GOSR1: variants seen among roughly 807,000 people sequenced by gnomAD.
The protein encoded by GOSR1 is 28 kDa Golgi SNARE protein.
Under a neutral mutation model 35.5 loss-of-function variants are expected in GOSR1, and 21 were observed. The observed-to-expected ratio is 0.59, with a 90% CI of 0.42 to 0.85. GOSR1 has a LOEUF of 0.85. Among genes scored for constraint, GOSR1 ranks in the 40% least tolerant of loss-of-function variants. The probability of loss-of-function intolerance (pLI) is 0.00; values close to 1 mark genes in which losing one functional copy is unlikely to be tolerated. For synonymous variants in GOSR1, 94 were observed against 106.6 expected, an observed-to-expected ratio of 0.88 and a Z score of 0.73; for missense variants, 285 against 309.6, an observed-to-expected ratio of 0.92 and a Z score of 0.60.
Position 30,526,325 on chromosome 17 carries a change from T to C in GOSR1, c.*3947T>C, listed in dbSNP as rs1417214256. 1 of 152,216 alleles carries C rather than the reference T, an allele frequency of 6.6e-6. No individual in the cohort carries two copies. Among genetic ancestry groups the C allele is most frequent in the Non-Finnish European group, 1.5e-5 (1 of 68,036 alleles). The allele number at this position is 152,216 out of a possible 1,614,324, so 9.4% of individuals were successfully genotyped here. Reference sequence around the variant, plus strand: ...CCTTTTAAGTAACCACTCAAAACTTTTCATTTCACTGAAAAAATATGAAAA... The same window carrying C: ...CCTTTTAAGTAACCACTCAAAACTTCTCATTTCACTGAAAAAATATGAAAA... On this transcript the variant is annotated 3_prime_UTR_variant, in exon 9 of 9. Coordinates refer to ENST00000451249, the MANE Select transcript of GOSR1 (RefSeq NM_001007025.2).
Position 30,520,002 on chromosome 17 carries a change from C to A in GOSR1, c.603C>A (p.Ser201Arg), listed in dbSNP as rs372612232. 6.2e-7 allele frequency: 1 copy of A among 1,604,022 alleles called. No individual in the cohort carries two copies. Among genetic ancestry groups the A allele is most frequent in the Non-Finnish European group, 8.5e-7 (1 of 1,171,252 alleles). ...SQRGMLKSIH[S>R]KMNTLANRFP... is the part of the protein sequence containing the mutation. ...GAGGAATGTTGAAGTCAATTCACAG[C>A]AAAATGAACACTTTGGCCAGTATCC... The change falls in exon 8 of 9, where the codon AGC (serine) becomes AGA (arginine). Residue 201 changes from serine (S) to arginine (R), a missense_variant. By Grantham distance (110) the Ser-to-Arg change is moderately radical. Coordinates refer to ENST00000451249, the MANE Select transcript of GOSR1 (RefSeq NM_001007025.2).
intron 7 of GOSR1, chr17:30,519,623 T>A (rs1358792738): frequency 5.2e-6 from 1 of 193,050 alleles, no homozygotes; most frequent in Non-Finnish European, 1.0e-5. Context: ...CTTTTTAAAG[T>A]TTTTAAACTT....
chr17:30,477,612 G>T (rs1274742016), intron 1 of GOSR1, 148 bp downstream of exon 1: 4 of 1,388,644 alleles, frequency 2.9e-6, no homozygotes, highest in Non-Finnish European at 2.8e-6. Flanking sequence ...GATCCCCGGG[G>T]CCTTGGGGAT....
intron 6 of GOSR1, among the ~76,000 whole-genome samples, chr17:30,505,016 A>G (rs1967349522): frequency 6.6e-6 from 1 of 152,194 alleles, no homozygotes; most frequent in African/African-American, 2.4e-5. Context: ...ATTTCTTTCT[A>G]GGCTGATACA....
chr17:30,483,857 A>G (rs960536138), intron 2 of GOSR1, among the ~76,000 whole-genome samples: 29 of 152,258 alleles, frequency 1.9e-4, no homozygotes, highest in Admixed American at 1.5e-3. Flanking sequence ...GGATGATTGC[A>G]TACTGTAAGT....
At chr17:30,500,965 C>A (rs1967181904) in intron 6 of GOSR1, among the ~76,000 whole-genome samples, 1 of 151,188 alleles carries the variant, frequency 6.6e-6, no homozygotes, top group South Asian at 2.1e-4. Context: ...ACTGCAAGCT[C>A]CGCCTCCCGG....
intron 4 of GOSR1, among the ~76,000 whole-genome samples, chr17:30,485,564 A>G (rs1258798205): frequency 2.6e-5 from 4 of 151,916 alleles, no homozygotes; most frequent in African/African-American, 7.3e-5. Flanking sequence ...GGTTTTTGCT[A>G]TGTTGCCCAG....
chr17:30,477,984 A>C, intron 1 of GOSR1: 2 of 955,780 alleles, frequency 2.1e-6, no homozygotes, highest in Non-Finnish European at 2.5e-6. Flanking sequence ...GGTCTCCATG[A>C]CAACTACAGG....
At chr17:30,521,988 G>A (rs113323246) in intron 8 of GOSR1, among the ~76,000 whole-genome samples, 10 of 152,062 alleles carry the variant, frequency 6.6e-5, no homozygotes, top group South Asian at 2.1e-4. Context: ...AACTGTCATC[G>A]TCCTTTTCTT....
chr17:30,522,496 C>A lies in GOSR1; in HGVS notation c.*118C>A. On this transcript the variant is annotated 3_prime_UTR_variant, in exon 9 of 9. Coordinates refer to ENST00000451249, the MANE Select transcript of GOSR1 (RefSeq NM_001007025.2). ...ATTAGCCTGACCAGCAGGATGAATG[C>A]AAGACTGACAGTGATGGACTCTGTG... 1 of 717,972 alleles carries A rather than the reference C, an allele frequency of 1.4e-6. No homozygotes were observed. The allele number at this position is 717,972 out of a possible 1,614,324, so 44.5% of individuals were successfully genotyped here.
chr17:30,526,911 T>C lies in GOSR1; in HGVS notation c.*4533T>C, dbSNP rs1968193183. 1 of 152,254 alleles carries C rather than the reference T, an allele frequency of 6.6e-6. No individual in the cohort carries two copies. Among genetic ancestry groups the C allele is most frequent in the Non-Finnish European group, 1.5e-5 (1 of 68,048 alleles). 9.4% of individuals were successfully genotyped at this position (152,254 alleles called of 1,614,324 possible). On this transcript the variant is annotated 3_prime_UTR_variant, in exon 9 of 9. Transcript: ENST00000451249. Reference sequence around the variant, plus strand: ...TGGTGTTGATAAGTGTTTCTCATGATGTCCTGAAACCCAGGATGAAATAAT... The same window carrying C: ...TGGTGTTGATAAGTGTTTCTCATGACGTCCTGAAACCCAGGATGAAATAAT...
At position 30,490,042 on chromosome 17, in the gene GOSR1, A is replaced by T. The variant is rs1451360318; in HGVS notation, c.343-84A>T. The T allele has an allele frequency of 9.6e-6, 6 of 626,992 alleles. No individual in the cohort carries two copies. The African/African-American group carries it at 1.1e-4, about 12-fold the overall frequency. The allele number at this position is 626,992 out of a possible 1,614,324, so 38.8% of individuals were successfully genotyped here. Reference sequence around the variant, plus strand: ...ATAGCAGTTTTCTTGACAAATTTACAGTGTGATGACGATACATAACTGGTT... The same window carrying T: ...ATAGCAGTTTTCTTGACAAATTTACTGTGTGATGACGATACATAACTGGTT... On this transcript the variant is annotated intron_variant, in intron 4 of 8. Transcript: ENST00000451249.
In GOSR1 at chr17:30,501,029, T is replaced by C. The variant is rs558827563; in HGVS notation, c.509+8276T>C. Among the ~76,000 whole-genome samples the C allele has an allele frequency of 2.8e-3, 420 of 151,696 alleles. 1 individual carries two copies. Among genetic ancestry groups the C allele is most frequent in the African/African-American group, 8.8e-3 (366 of 41,414 alleles). ...CCAAGTAGCTGGGACTACAGGCGCC[T>C]GCCACGACGCCCGGCTAATTTTTTG... On this transcript the variant is annotated intron_variant, in intron 6 of 8. Coordinates refer to ENST00000451249, the MANE Select transcript of GOSR1 (RefSeq NM_001007025.2).
intron 4 of GOSR1, chr17:30,485,172 G>A (rs1401769502): frequency 8.0e-6 from 2 of 249,674 alleles, no homozygotes; most frequent in South Asian, 5.1e-5. Context: ...TATTGTTTAA[G>A]AAAACAGTAA....
chr17:30,482,287 A>G (rs1367914341), intron 2 of GOSR1, among the ~76,000 whole-genome samples: 1 of 152,120 alleles, frequency 6.6e-6, no homozygotes, highest in Non-Finnish European at 1.5e-5. Flanking sequence ...ATTCATTTGT[A>G]ATTCATATGT....
intron 7 of GOSR1, among the ~76,000 whole-genome samples, chr17:30,518,009 C>T (rs901477170): frequency 2.0e-5 from 3 of 152,134 alleles, no homozygotes; most frequent in Non-Finnish European, 2.9e-5. Context: ...CCCTTAGGGG[C>T]TGGGCATCAC....
intron 6 of GOSR1, among the ~76,000 whole-genome samples, chr17:30,495,216 TG>T (rs1181371346): frequency 2.0e-5 from 3 of 148,868 alleles, no homozygotes; most frequent in Admixed American, 2.0e-4. Flanking sequence ...AAGACATGGC[TG>T]ATTATATTCT....
chr17:30,520,115 T>TAGC, intron 8 of GOSR1, 94 bp downstream of exon 8: 1 of 774,434 alleles, frequency 1.3e-6, no homozygotes. Flanking sequence ...CCATCATCAG[T>TAGC]AGCAGTAGAG....
chr17:30,482,445 TA>T (rs1247048679), intron 2 of GOSR1, among the ~76,000 whole-genome samples: 1 of 152,240 alleles, frequency 6.6e-6, no homozygotes, highest in East Asian at 1.9e-4. Context: ...GGAACATTTT[TA>T]CGCAGAATGT....
Sources: allele counts gnomAD v4.1 joint callset (sites outside exome capture counted in the v4.1 genomes callset), GRCh38; gene constraint gnomAD v4.1.1; transcripts MANE v1.5; gene names NCBI Gene and HGNC (gene_info 2026-07-23, HGNC 2026-07-21).